The following COL27A1 variants were observed in gnomAD, a reference collection of about 807,000 sequenced individuals.
COL27A1 encodes collagen type XXVII alpha 1 chain, also known as collagen alpha-1(XXVII) chain.
COL27A1 carries 106 observed loss-of-function variants against 251.3 expected under a neutral mutation model. The observed-to-expected ratio is 0.42, with a 90% confidence interval of 0.36 to 0.50. COL27A1 has a LOEUF of 0.50. COL27A1 is among the 20% of genes least tolerant of loss of function. The pLI is 0.00. For missense variants in COL27A1, 2,325 were observed against 2,522.8 expected, an observed-to-expected ratio of 0.92 and a Z score of 1.68; for synonymous variants, 1,000 against 986.3, an observed-to-expected ratio of 1.01 and a Z score of -0.26.
At chr9:114,161,703 G>A (rs371243803) in intron 1 of COL27A1, among the ~76,000 whole-genome samples, 58 of 152,310 alleles carry the variant, frequency 3.8e-4, no homozygotes, top group African/African-American at 1.3e-3. Flanking sequence ...CTCTGGCCAC[G>A]TGCCGGCCTC....
intron 57 of COL27A1, among the ~76,000 whole-genome samples, chr9:114,305,554 G>A (rs564559077): frequency 2.4e-4 from 37 of 152,254 alleles, no homozygotes; most frequent in African/African-American, 8.7e-4. Flanking sequence ...CTTATTTCTC[G>A]TGCACGTAAA....
chr9:114,206,781 A>G (rs1829994874), intron 10 of COL27A1, among the ~76,000 whole-genome samples: 1 of 152,126 alleles, frequency 6.6e-6, no homozygotes. Context: ...GCCCCCATGG[A>G]GCAGACCCCG....
chr9:114,192,383 C>T (rs1005447378), intron 5 of COL27A1, among the ~76,000 whole-genome samples: 5 of 152,178 alleles, frequency 3.3e-5, no homozygotes, highest in Non-Finnish European at 7.4e-5. Context: ...AGGCATTGAG[C>T]TGGGCTTCTG....
intron 56 of COL27A1, among the ~76,000 whole-genome samples, chr9:114,303,529 G>A (rs186567926): frequency 1.2e-3 from 183 of 152,210 alleles, no homozygotes; most frequent in African/African-American, 3.9e-3. Flanking sequence ...GTGAGCCACC[G>A]TGGCCGGGCT....
chr9:114,172,604 G>A lies in COL27A1; in HGVS notation c.1908+3141G>A, dbSNP rs117428889. Among the ~76,000 whole-genome samples the A allele has an allele frequency of 2.3e-3, 357 of 152,220 alleles. 9 individuals carry two copies. The East Asian group carries it at 0.035, about 15-fold the overall frequency. On this transcript the variant is annotated intron_variant, in intron 3 of 60. Transcript: ENST00000356083. ...GCGGATCACTTGAGGCCAGGAGTTC[G>A]CCAACATGGTGAAACCCTGTCTTTA... is the stretch of plus-strand genomic sequence containing the variant.
At chr9:114,166,093 A>G (rs1172127627) in intron 2 of COL27A1, among the ~76,000 whole-genome samples, 2 of 150,518 alleles carry the variant, frequency 1.3e-5, no homozygotes, top group Non-Finnish European at 3.0e-5. Context: ...TTATCCATCC[A>G]TTCATCTATC....
chr9:114,282,659 AC>A, intron 39 of COL27A1, 95 bp downstream of exon 39: 1 of 761,282 alleles, frequency 1.3e-6, no homozygotes, highest in Non-Finnish European at 2.0e-6. Flanking sequence ...TGCTGTTATC[AC>A]CCACCCCAGC....
chr9:114,300,747 CCA>C, intron 51 of COL27A1, 60 bp downstream of exon 51: 1 of 1,374,924 alleles, frequency 7.3e-7, no homozygotes. Context: ...GGTTGGCCAG[CCA>C]TCAGCTGGCC....
At chr9:114,282,186 C>G in intron 37 of COL27A1, 91 bp from the exon 38 acceptor site, 1 of 1,223,378 alleles carries the variant, frequency 8.2e-7, no homozygotes, top group Non-Finnish European at 1.2e-6. Context: ...CCATCTGCCT[C>G]CAGAGCCGAC....
chr9:114,234,419 C>T (rs1436366681), intron 16 of COL27A1, among the ~76,000 whole-genome samples: 1 of 152,120 alleles, frequency 6.6e-6, no homozygotes, highest in East Asian at 1.9e-4. Context: ...CTGGGTTTTT[C>T]TCCCCATTCT....
chr9:114,226,978 GA>G (rs1265512942), intron 14 of COL27A1, among the ~76,000 whole-genome samples: 1 of 152,230 alleles, frequency 6.6e-6, no homozygotes, highest in Non-Finnish European at 1.5e-5. Context: ...TGGGGTCAGG[GA>G]AGTGATGTTA....
intron 4 of COL27A1, among the ~76,000 whole-genome samples, chr9:114,181,393 G>T (rs1271192359): frequency 6.6e-6 from 1 of 152,152 alleles, no homozygotes; most frequent in Non-Finnish European, 1.5e-5. Flanking sequence ...CCCAGTTCAG[G>T]CATCAAGGAA....
chr9:114,245,282 A>T (rs1372866208), intron 23 of COL27A1, among the ~76,000 whole-genome samples: 1 of 146,936 alleles, frequency 6.8e-6, no homozygotes, highest in African/African-American at 2.5e-5. Flanking sequence ...CAGCCTCCCC[A>T]GTAGCTGGGA....
chr9:114,170,536 G>A (rs918044648), intron 3 of COL27A1, among the ~76,000 whole-genome samples: 3 of 152,184 alleles, frequency 2.0e-5, no homozygotes, highest in Non-Finnish European at 4.4e-5. Flanking sequence ...TGGAGACAGT[G>A]GCAGATGCTG....
At chr9:114,206,394 G>A (rs897391196) in intron 10 of COL27A1, 98 bp downstream of exon 10, 1 of 1,253,410 alleles carries the variant, frequency 8.0e-7, no homozygotes, top group East Asian at 2.4e-5. Context: ...TATAAGGAGA[G>A]CCAAGGCCCT....
intron 3 of COL27A1, among the ~76,000 whole-genome samples, chr9:114,172,343 T>C (rs1484082196): frequency 6.6e-6 from 1 of 152,082 alleles, no homozygotes; most frequent in African/African-American, 2.4e-5. Flanking sequence ...AGCTTAATTG[T>C]CCCCCATCCA....
intron 3 of COL27A1, 115 bp downstream of exon 3, chr9:114,169,578 G>T (rs1849164971): frequency 4.9e-6 from 4 of 811,958 alleles, no homozygotes; most frequent in Admixed American, 2.8e-5. Context: ...GCAGGGAGCT[G>T]GTTATGGGTA....
intron 58 of COL27A1, chr9:114,307,292 C>CCCT (rs1311020657): frequency 5.3e-6 from 1 of 189,130 alleles, no homozygotes; most frequent in Non-Finnish European, 1.1e-5. Flanking sequence ...CTGACTCCTA[C>CCCT]CCTCCCCCGG....
chr9:114,181,792 A>G (rs1827942865), intron 4 of COL27A1, among the ~76,000 whole-genome samples: 1 of 152,126 alleles, frequency 6.6e-6, no homozygotes, highest in African/African-American at 2.4e-5. Flanking sequence ...TAAACTCTGG[A>G]CTTGAAGCCA....
Sources: gnomAD v4.1 joint callset for allele counts (sites outside exome capture counted in the v4.1 genomes callset) on GRCh38, gnomAD v4.1.1 for gene constraint, MANE v1.5 for transcripts, NCBI Gene and HGNC (gene_info 2026-07-23, HGNC 2026-07-21) for gene names.